Variants in CSMD3 observed in about 807,000 individuals in gnomAD.
The protein encoded by CSMD3 is CUB and Sushi multiple domains 3.
Under a neutral mutation model 435.2 loss-of-function variants are expected in CSMD3, and 177 were observed. That is an observed-to-expected ratio of 0.41 (90% CI 0.36 to 0.46). CSMD3 has a LOEUF of 0.46. Ranked by LOEUF, CSMD3 falls within the 20% of genes least tolerant of loss-of-function variation. CSMD3 has a pLI of 0.34. For synonymous variants in CSMD3, 1,656 were observed against 1,520.5 expected (o/e 1.09, Z -2.07); for missense variants, 4,265 against 4,504.6 (o/e 0.95, Z 1.52).
intron 1 of CSMD3, among the ~76,000 whole-genome samples, chr8:113,331,790 A>G (rs2094029482): frequency 6.6e-6 from 1 of 151,774 alleles, no homozygotes; most frequent in Non-Finnish European, 1.5e-5. Flanking sequence ...TCAACCTGAT[A>G]AAGAACAGCT....
chr8:112,229,029 C>T (rs1348556357), intron 69 of CSMD3, 138 bp from the exon 70 acceptor site: 3 of 621,996 alleles, frequency 4.8e-6, no homozygotes, highest in Admixed American at 2.9e-5. Flanking sequence ...ATTCATGAAA[C>T]TCCTTCAACT....
At chr8:112,717,133 A>C (rs1370058948) in intron 13 of CSMD3, among the ~76,000 whole-genome samples, 1 of 152,124 alleles carries the variant, frequency 6.6e-6, no homozygotes, top group Non-Finnish European at 1.5e-5. Flanking sequence ...TGAACAGGCA[A>C]CCTAAAAAAT....
intron 3 of CSMD3, among the ~76,000 whole-genome samples, chr8:113,264,433 TG>T (rs1371154050): frequency 1.3e-5 from 2 of 151,134 alleles, no homozygotes; most frequent in Non-Finnish European, 3.0e-5. Flanking sequence ...AAATTCATTG[TG>T]AAACAGGATT....
chr8:113,284,428 G>A (rs2093632230), intron 2 of CSMD3, among the ~76,000 whole-genome samples: 1 of 152,090 alleles, frequency 6.6e-6, no homozygotes, highest in African/African-American at 2.4e-5. Context: ...TAAATTTATT[G>A]TTATTAAGTT....
chr8:113,305,674 T>A (rs1588481394), intron 2 of CSMD3, among the ~76,000 whole-genome samples: 1 of 152,264 alleles, frequency 6.6e-6, no homozygotes, highest in South Asian at 2.1e-4. Context: ...TCTGGAATCC[T>A]TGCCTTAGTC....
chr8:113,031,925 T>G (rs985051814), intron 5 of CSMD3, among the ~76,000 whole-genome samples: 6 of 151,082 alleles, frequency 4.0e-5, no homozygotes, highest in African/African-American at 7.3e-5. Flanking sequence ...GGAGTTCTCA[T>G]GAGATATGAT....
Position 112,255,144 on chromosome 8 carries a change from C to T in CSMD3, c.10036+110G>A, listed in dbSNP as rs1307123488. The stretch of plus-strand genomic sequence containing the variant: ...CTTCTAATTGCTTCTATATTTTACA[C>T]TTGTTTTTATATTAAGCCAACTATA... On this transcript the variant is annotated intron_variant, in intron 62 of 70. Transcript: ENST00000297405. The T allele has an allele frequency of 4.6e-6, 4 of 866,918 alleles. No homozygotes were observed. The African/African-American group carries it at 5.1e-5, about 11-fold the overall frequency. The allele number at this position is 866,918 out of a possible 1,614,324, so 53.7% of individuals were successfully genotyped here.
intron 32 of CSMD3, among the ~76,000 whole-genome samples, chr8:112,429,500 C>T (rs1437290206): frequency 2.0e-5 from 3 of 151,940 alleles, no homozygotes; most frequent in Non-Finnish European, 1.5e-5. Flanking sequence ...CATTAAATAT[C>T]AAAACATAGA....
chr8:112,248,139 C>T (rs1191760086), intron 63 of CSMD3, among the ~76,000 whole-genome samples: 1 of 151,824 alleles, frequency 6.6e-6, no homozygotes, highest in African/African-American at 2.4e-5. Context: ...CTCTTTGAGA[C>T]CTAATTTATC....
chr8:112,800,370 C>T lies in CSMD3; in HGVS notation c.1860-96G>A, dbSNP rs2078932169. The T allele has an allele frequency of 3.4e-6, 3 of 872,200 alleles. No homozygotes were observed. In the East Asian group the frequency reaches 7.4e-5, roughly 21 times the overall value. 54.0% of individuals were successfully genotyped at this position (872,200 alleles called of 1,614,324 possible). A position where few individuals can be genotyped will look rare whatever the true frequency, so the allele number is the denominator to read the frequency against. On this transcript the variant is annotated intron_variant, in intron 12 of 70. Transcript: ENST00000297405. ...GATGTGTTTCTCAATACTTTCTTTG[C>T]TAGAAAAAAAAGTCAGATAAACATA...
At chr8:113,183,770 C>T (rs1803323322) in intron 3 of CSMD3, among the ~76,000 whole-genome samples, 1 of 151,916 alleles carries the variant, frequency 6.6e-6, no homozygotes, top group Non-Finnish European at 1.5e-5. Flanking sequence ...TATATACATG[C>T]AGTGTGTAAT....
chr8:113,169,472 G>A lies in CSMD3; in HGVS notation c.709+4250C>T, dbSNP rs117783063. On this transcript the variant is annotated intron_variant, in intron 4 of 70. Coordinates refer to ENST00000297405, the MANE Select transcript of CSMD3 (RefSeq NM_198123.2). ...CAGTCCTTTCCCTGAGCCCTCATAT[G>A]CATTCCAAGTTCTTTCTTTTTGGCC... Among the ~76,000 whole-genome samples the A allele has an allele frequency of 2.8e-3, 433 of 152,128 alleles. 1 individual carries two copies. The highest frequency in any genetic ancestry group is 3.6e-3 in the Non-Finnish European group (247 of 67,992).
At chr8:112,471,320 A>T (rs1818500708) in intron 32 of CSMD3, among the ~76,000 whole-genome samples, 2 of 152,098 alleles carry the variant, frequency 1.3e-5, no homozygotes, top group Non-Finnish European at 1.5e-5. Flanking sequence ...GCATCTGGGG[A>T]GCATAAAACT....
chr8:113,265,841 T>G (rs2093466043), intron 3 of CSMD3, among the ~76,000 whole-genome samples: 1 of 151,518 alleles, frequency 6.6e-6, no homozygotes, highest in African/African-American at 2.4e-5. Context: ...TATGGGCCTC[T>G]AAAGACAAAA....
intron 8 of CSMD3, among the ~76,000 whole-genome samples, chr8:112,953,588 C>T (rs757798407): frequency 6.6e-6 from 1 of 151,292 alleles, no homozygotes; most frequent in Non-Finnish European, 1.5e-5. Flanking sequence ...TCAAGTCTAA[C>T]TAATAAAATG....
At chr8:113,113,131 T>C (rs1042696256) in intron 4 of CSMD3, among the ~76,000 whole-genome samples, 1 of 152,226 alleles carries the variant, frequency 6.6e-6, no homozygotes, top group Non-Finnish European at 1.5e-5. Context: ...CTGGCCACAG[T>C]GCACTAAGTG....
intron 13 of CSMD3, among the ~76,000 whole-genome samples, chr8:112,703,870 C>G (rs1025773797): frequency 6.6e-6 from 1 of 151,922 alleles, no homozygotes; most frequent in Non-Finnish European, 1.5e-5. Context: ...TCTATAACTG[C>G]CCACAGAAAG....
At chr8:112,678,369 C>T (rs754341949) in intron 16 of CSMD3, among the ~76,000 whole-genome samples, 1 of 152,218 alleles carries the variant, frequency 6.6e-6, no homozygotes, top group East Asian at 1.9e-4. Context: ...AAGACATCCA[C>T]TAGGAAGAAG....
chr8:112,530,771 A>C (rs1752713825), intron 27 of CSMD3, among the ~76,000 whole-genome samples: 1 of 152,238 alleles, frequency 6.6e-6, no homozygotes, highest in Non-Finnish European at 1.5e-5. Context: ...AGCATTGGGC[A>C]GAATTCCAAA....
Sources: allele counts gnomAD v4.1 joint callset (sites outside exome capture counted in the v4.1 genomes callset), GRCh38; gene constraint gnomAD v4.1.1; transcripts MANE v1.5; gene names NCBI Gene and HGNC (gene_info 2026-07-23, HGNC 2026-07-21).